CSNK2A2IP: variants seen among roughly 807,000 people sequenced by gnomAD.
The protein encoded by CSNK2A2IP is casein kinase II subunit alpha'-interacting protein.
chr3:88,396,467 G>C, the CSNK2A2IP span, among the ~76,000 whole-genome samples: 1 of 152,170 alleles, frequency 6.6e-6, no homozygotes, highest in Non-Finnish European at 1.5e-5. Flanking sequence ...AGTACAGAAA[G>C]TTTTCCTGTG....
the CSNK2A2IP span, among the ~76,000 whole-genome samples, chr3:88,349,085 A>G: frequency 1.3e-5 from 2 of 151,694 alleles, no homozygotes; most frequent in Non-Finnish European, 2.9e-5. Flanking sequence ...CCCCCTTTCC[A>G]TTCTTTTTGC....
the CSNK2A2IP span, among the ~76,000 whole-genome samples, chr3:88,374,428 CA>C: frequency 6.6e-6 from 1 of 151,616 alleles, no homozygotes; most frequent in East Asian, 1.9e-4. Flanking sequence ...CATCAACATA[CA>C]AACAAATTTT....
the CSNK2A2IP span, among the ~76,000 whole-genome samples, chr3:88,423,926 A>G: frequency 1.3e-5 from 2 of 152,170 alleles, no homozygotes; most frequent in African/African-American, 4.8e-5. Context: ...ATCACATACT[A>G]GAAATCTCTA....
the CSNK2A2IP span, among the ~76,000 whole-genome samples, chr3:88,429,845 C>T: frequency 3.8e-4 from 58 of 152,168 alleles, no homozygotes; most frequent in African/African-American, 1.3e-3. Flanking sequence ...CTCCGCCTCC[C>T]GGGTTCACGC....
At chr3:88,406,768 G>T in the CSNK2A2IP span, among the ~76,000 whole-genome samples, 6 of 152,112 alleles carry the variant, frequency 3.9e-5, no homozygotes, top group East Asian at 1.9e-4. Context: ...CTTTATTTTT[G>T]TTGGTCTCTG....
chr3:88,394,839 C>T, the CSNK2A2IP span, among the ~76,000 whole-genome samples: 7 of 152,212 alleles, frequency 4.6e-5, no homozygotes, highest in African/African-American at 1.4e-4. Context: ...GATACAAGCC[C>T]TTTGTTCTAA....
the CSNK2A2IP span, among the ~76,000 whole-genome samples, chr3:88,439,326 C>T: frequency 6.6e-6 from 1 of 152,066 alleles, no homozygotes; most frequent in South Asian, 2.1e-4. Flanking sequence ...TTATTTTGAT[C>T]TCCCTTGTAG....
chr3:88,408,695 T>C, the CSNK2A2IP span, among the ~76,000 whole-genome samples: 3 of 152,000 alleles, frequency 2.0e-5, no homozygotes, highest in Non-Finnish European at 4.4e-5. Context: ...AGATTGCCCA[T>C]TGAAAGGGGG....
At chr3:88,349,940 C>T in the CSNK2A2IP span, among the ~76,000 whole-genome samples, 1 of 152,036 alleles carries the variant, frequency 6.6e-6, no homozygotes, top group Non-Finnish European at 1.5e-5. Flanking sequence ...TCACTTCTTA[C>T]AATACTGTGG....
chr3:88,442,707 T>C, the CSNK2A2IP span, among the ~76,000 whole-genome samples: 2 of 152,080 alleles, frequency 1.3e-5, no homozygotes, highest in Admixed American at 1.3e-4. Context: ...CCCAAGATCA[T>C]AGAGCTAGAA....
At chr3:88,445,339 A>G in the CSNK2A2IP span, among the ~76,000 whole-genome samples, 1 of 148,522 alleles carries the variant, frequency 6.7e-6, no homozygotes, top group Non-Finnish European at 1.5e-5. Context: ...AGTCCCAGCT[A>G]CTTGGGAGAC....
At chr3:88,375,243 G>A in the CSNK2A2IP span, among the ~76,000 whole-genome samples, 2 of 151,676 alleles carry the variant, frequency 1.3e-5, no homozygotes, top group Non-Finnish European at 3.0e-5. Context: ...AAGTATCTCA[G>A]TTTTACCATC....
chr3:88,389,643 G>T, the CSNK2A2IP span, among the ~76,000 whole-genome samples: 1 of 152,194 alleles, frequency 6.6e-6, no homozygotes, highest in African/African-American at 2.4e-5. Context: ...AGTACAGTTG[G>T]CATAGATGAA....
chr3:88,455,526 G>T, the CSNK2A2IP span, among the ~76,000 whole-genome samples: 1 of 151,698 alleles, frequency 6.6e-6, no homozygotes, highest in Non-Finnish European at 1.5e-5. Flanking sequence ...CGTTTATTCA[G>T]GTCCTTTGCC....
chr3:88,450,488 C>T, the CSNK2A2IP span, among the ~76,000 whole-genome samples: 15 of 142,554 alleles, frequency 1.1e-4, no homozygotes, highest in African/African-American at 2.5e-4. Flanking sequence ...TCCATCTCTG[C>T]GTAGTTGACC....
At chr3:88,417,339 T>C in the CSNK2A2IP span, among the ~76,000 whole-genome samples, 1 of 152,234 alleles carries the variant, frequency 6.6e-6, no homozygotes, top group African/African-American at 2.4e-5. Flanking sequence ...CAACAGAAGG[T>C]CGCCTGGGAG....
chr3:88,379,117 C>T, the CSNK2A2IP span, among the ~76,000 whole-genome samples: 1 of 151,736 alleles, frequency 6.6e-6, no homozygotes, highest in Non-Finnish European at 1.5e-5. Flanking sequence ...TCAATCTGAC[C>T]ACAGAGCTCT....
At chr3:88,376,914 C>T in the CSNK2A2IP span, among the ~76,000 whole-genome samples, 2 of 151,808 alleles carry the variant, frequency 1.3e-5, no homozygotes, top group Non-Finnish European at 2.9e-5. Flanking sequence ...TTTTTTGCAA[C>T]TCTTTTGTAA....
At chr3:88,437,778 T>C in the CSNK2A2IP span, among the ~76,000 whole-genome samples, 1 of 152,226 alleles carries the variant, frequency 6.6e-6, no homozygotes, top group African/African-American at 2.4e-5. Flanking sequence ...ATAGACTATC[T>C]CTGTAGTGTT....
Sources: allele counts gnomAD v4.1 joint callset (sites outside exome capture counted in the v4.1 genomes callset), GRCh38; gene constraint gnomAD v4.1.1; transcripts MANE v1.5; gene names NCBI Gene and HGNC (gene_info 2026-07-23, HGNC 2026-07-21).